The following PSMA5 variants were observed in gnomAD, a reference collection of about 807,000 sequenced individuals.
PSMA5 encodes proteasome subunit alpha type-5.
PSMA5 carries 3 observed loss-of-function variants against 34.5 expected under a neutral mutation model. That is an observed-to-expected ratio of 0.09 (90% CI 0.04 to 0.22). The LOEUF is 0.22. Among genes scored for constraint, PSMA5 ranks in the 10% least tolerant of loss-of-function variants. PSMA5 has a pLI of 1.00. For missense variants in PSMA5, 120 were observed against 286.1 expected (o/e 0.42, Z 4.19); for synonymous variants, 88 against 95.8 (o/e 0.92, Z 0.47).
At chr1:109,405,003 G>A (rs1406551195) in intron 8 of PSMA5, among the ~76,000 whole-genome samples, 1 of 152,168 alleles carries the variant, frequency 6.6e-6, no homozygotes, top group Non-Finnish European at 1.5e-5. Flanking sequence ...AAGACAGGAA[G>A]GGCAAACAAT....
intron 2 of PSMA5, among the ~76,000 whole-genome samples, 167 bp downstream of exon 2, chr1:109,421,693 T>C (rs1571031544): frequency 1.3e-5 from 2 of 152,116 alleles, no homozygotes; most frequent in East Asian, 1.9e-4. Flanking sequence ...AAAATAGATA[T>C]TAGGAATAGG....
At chr1:109,403,729 TAG>T (rs1653629500) in intron 8 of PSMA5, among the ~76,000 whole-genome samples, 1 of 152,180 alleles carries the variant, frequency 6.6e-6, no homozygotes, top group South Asian at 2.1e-4. Flanking sequence ...TGAAAGTTGC[TAG>T]AGAGAATCAG....
At chr1:109,416,648 TG>T (rs1473452235) in intron 2 of PSMA5, among the ~76,000 whole-genome samples, 2 of 152,260 alleles carry the variant, frequency 1.3e-5, no homozygotes, top group Non-Finnish European at 2.9e-5. Flanking sequence ...GCAGACTGAA[TG>T]ATCATTTCAC....
intron 3 of PSMA5, among the ~76,000 whole-genome samples, chr1:109,413,525 T>C (rs1654081226): frequency 6.6e-6 from 1 of 152,238 alleles, no homozygotes. Context: ...CACTATGGAC[T>C]ACAGTGGAGG....
chr1:109,411,970 G>A (rs1339012712), intron 5 of PSMA5, 35 bp from the exon 6 acceptor site: 2 of 1,595,218 alleles, frequency 1.3e-6, no homozygotes, highest in Non-Finnish European at 1.7e-6. Context: ...TAAGATAAAT[G>A]GCTATAAAGT....
At chr1:109,402,954 CT>C (rs1184245631) in intron 8 of PSMA5, among the ~76,000 whole-genome samples, 1 of 152,178 alleles carries the variant, frequency 6.6e-6, no homozygotes, top group Non-Finnish European at 1.5e-5. Flanking sequence ...ATCTGCCCAC[CT>C]CAGCTTCCCA....
chr1:109,421,814 T>C (rs1186094463), intron 2 of PSMA5, 46 bp downstream of exon 2: 1 of 1,447,994 alleles, frequency 6.9e-7, no homozygotes, highest in South Asian at 1.3e-5. Context: ...CAGCAAAATG[T>C]TAGGTAGCCA....
intron 2 of PSMA5, among the ~76,000 whole-genome samples, chr1:109,420,384 C>A (rs1411138086): frequency 2.6e-5 from 4 of 151,992 alleles, no homozygotes; most frequent in African/African-American, 4.8e-5. Context: ...TAAAAAAAAA[C>A]CATACATCTG....
intron 1 of PSMA5, among the ~76,000 whole-genome samples, chr1:109,423,299 C>T (rs186741169): frequency 2.6e-5 from 4 of 152,112 alleles, no homozygotes; most frequent in African/African-American, 4.8e-5. Context: ...ATTAGCTGGG[C>T]GTGGTGGCAG....
At chr1:109,421,982 C>A in intron 1 of PSMA5, 56 bp from the exon 2 acceptor site, 2 of 1,162,476 alleles carry the variant, frequency 1.7e-6, no homozygotes, top group South Asian at 1.8e-5. Flanking sequence ...CATGTAGACA[C>A]TGAATTCAAG....
chr1:109,415,167 C>T, intron 3 of PSMA5, 70 bp downstream of exon 3: 2 of 1,493,454 alleles, frequency 1.3e-6, no homozygotes, highest in Non-Finnish European at 1.8e-6. Context: ...CATAAACCTT[C>T]CTTGGAACAT....
At chr1:109,421,750 A>G (rs973965327) in intron 2 of PSMA5, 110 bp downstream of exon 2, 6 of 857,228 alleles carry the variant, frequency 7.0e-6, no homozygotes, top group South Asian at 1.7e-5. Flanking sequence ...TTAAAGGGAT[A>G]TAAGAACATT....
chr1:109,419,181 T>C (rs1654337298), intron 2 of PSMA5, among the ~76,000 whole-genome samples: 1 of 152,088 alleles, frequency 6.6e-6, no homozygotes, highest in African/African-American at 2.4e-5. Context: ...AAATAGTTTC[T>C]ACAATACTAC....
chr1:109,411,143 T>C (rs1169768676), intron 6 of PSMA5, 30 bp from the exon 7 acceptor site: 1 of 1,522,962 alleles, frequency 6.6e-7, no homozygotes, highest in East Asian at 2.3e-5. Flanking sequence ...AGGACTAAAA[T>C]GCTCAGGAGT....
chr1:109,409,921 A>G lies in PSMA5; in HGVS notation c.648+7T>C. The G allele has an allele frequency of 6.3e-7, 1 of 1,578,876 alleles. No individual in the cohort carries two copies. Among genetic ancestry groups the G allele is most frequent in the Non-Finnish European group, 8.6e-7 (1 of 1,158,816 alleles). On this transcript the variant is annotated splice_region_variant and intron_variant, in intron 8 of 8. Transcript: ENST00000271308. Reference sequence around the variant, plus strand: ...CGAAAAAAATCCAACAATAAAACAGAAAGTACCTCAATGTTTGTTGCATTC... The same window carrying G: ...CGAAAAAAATCCAACAATAAAACAGGAAGTACCTCAATGTTTGTTGCATTC...
chr1:109,419,175 A>G (rs1225823608), intron 2 of PSMA5, among the ~76,000 whole-genome samples: 2 of 152,168 alleles, frequency 1.3e-5, no homozygotes, highest in Non-Finnish European at 2.9e-5. Flanking sequence ...ATAAATAAAT[A>G]GTTTCTACAA....
intron 2 of PSMA5, among the ~76,000 whole-genome samples, chr1:109,421,462 CAA>C (rs947075141): frequency 1.6e-4 from 12 of 73,666 alleles, no homozygotes; most frequent in Non-Finnish European, 2.1e-4. Flanking sequence ...GACTCCATCT[CAA>C]AAAAAAAAAA....
At chr1:109,419,312 C>T (rs896072139) in intron 2 of PSMA5, among the ~76,000 whole-genome samples, 10 of 152,064 alleles carry the variant, frequency 6.6e-5, no homozygotes, top group African/African-American at 1.4e-4. Context: ...TCCACAGGTA[C>T]ACAGGAGGCC....
chr1:109,417,390 T>C (rs989298212), intron 2 of PSMA5, among the ~76,000 whole-genome samples: 2 of 152,048 alleles, frequency 1.3e-5, no homozygotes, highest in African/African-American at 2.4e-5. Flanking sequence ...AAAAAGGAAA[T>C]GGTGGCAACA....
Sources: allele counts gnomAD v4.1 joint callset (sites outside exome capture counted in the v4.1 genomes callset), GRCh38; gene constraint gnomAD v4.1.1; transcripts MANE v1.5; gene names NCBI Gene and HGNC (gene_info 2026-07-23, HGNC 2026-07-21).